Variants in TMEM164 observed in about 807,000 individuals in gnomAD.
The protein encoded by TMEM164 is RP13-360B22.2.
TMEM164 carries 4 observed loss-of-function variants against 18.8 expected under a neutral mutation model. The observed-to-expected ratio is 0.21, with a 90% confidence interval of 0.10 to 0.49. TMEM164 has a LOEUF of 0.49. TMEM164 is among the 20% of genes least tolerant of loss of function. TMEM164 has a pLI of 0.98. For missense variants in TMEM164, 108 were observed against 239.9 expected, an observed-to-expected ratio of 0.45 and a Z score of 3.63; for synonymous variants, 86 against 101.7, an observed-to-expected ratio of 0.85 and a Z score of 0.93.
chrX:110,069,326 G>A lies in TMEM164; in HGVS notation c.440+1930G>A, dbSNP rs1354536158. On this transcript the variant is annotated intron_variant, in intron 3 of 6. Coordinates refer to ENST00000372068, the MANE Select transcript of TMEM164 (RefSeq NM_032227.4). The stretch of plus-strand genomic sequence containing the variant: ...ATCCCTATCAGCAACAGGTGTTAAT[G>A]GTTCTTTTGTAATTTTGACAACCTA... Among the ~76,000 whole-genome samples, 4 of 111,367 alleles carry A rather than the reference G, an allele frequency of 3.6e-5. No homozygotes were observed. The East Asian group carries it at 1.1e-3, about 31-fold the overall frequency.
intron 4 of TMEM164, among the ~76,000 whole-genome samples, chrX:110,120,496 A>G (rs951851275): frequency 8.9e-6 from 1 of 111,967 alleles, no homozygotes; most frequent in African/African-American, 3.2e-5. Context: ...ATAATTGCAC[A>G]TATTTTGGAG....
intron 3 of TMEM164, among the ~76,000 whole-genome samples, chrX:110,092,250 T>A (rs1464002854): frequency 1.9e-4 from 21 of 112,061 alleles, no homozygotes; most frequent in African/African-American, 5.8e-4. Context: ...GTGAAGAAAG[T>A]CATTGGTAGC....
chrX:110,010,984 T>C (rs1932970186), intron 2 of TMEM164, among the ~76,000 whole-genome samples: 1 of 111,956 alleles, frequency 8.9e-6, no homozygotes, highest in Non-Finnish European at 1.9e-5. Flanking sequence ...AGAGGGAATG[T>C]TGACACATGG....
intron 4 of TMEM164, among the ~76,000 whole-genome samples, chrX:110,138,134 G>C (rs752156729): frequency 8.9e-6 from 1 of 111,923 alleles, no homozygotes; most frequent in African/African-American, 3.2e-5. Context: ...CTTACTGCCT[G>C]GGATGGAAAT....
chrX:110,118,245 A>G (rs2066400707), intron 4 of TMEM164, among the ~76,000 whole-genome samples: 1 of 112,381 alleles, frequency 8.9e-6, no homozygotes, highest in Admixed American at 9.4e-5. Context: ...TAAACACTAG[A>G]TAATCAGTAA....
chrX:110,145,547 G>T (rs982914763), intron 5 of TMEM164, among the ~76,000 whole-genome samples: 18 of 111,879 alleles, frequency 1.6e-4, no homozygotes, highest in African/African-American at 5.9e-4. Flanking sequence ...TGTTGTGAGA[G>T]CCACTCCTTC....
At chrX:110,138,650 C>A in intron 4 of TMEM164, among the ~76,000 whole-genome samples, 1 of 112,246 alleles carries the variant, frequency 8.9e-6, no homozygotes, top group African/African-American at 3.2e-5. Context: ...CACAGAAAGT[C>A]TATTCAGGAT....
At chrX:110,060,628 C>T (rs1173294022) in intron 2 of TMEM164, among the ~76,000 whole-genome samples, 1 of 111,745 alleles carries the variant, frequency 8.9e-6, no homozygotes, top group Non-Finnish European at 1.9e-5. Context: ...CAGTTTTTTT[C>T]ACAAATGTCC....
intron 4 of TMEM164, among the ~76,000 whole-genome samples, chrX:110,115,678 AAG>A (rs2066351768): frequency 8.9e-6 from 1 of 112,388 alleles, no homozygotes; most frequent in Non-Finnish European, 1.9e-5. Flanking sequence ...TGTGCTGCAG[AAG>A]ATACAAAAAC....
At chrX:110,037,403 CAGTGGAT>C (rs1370463660) in intron 2 of TMEM164, among the ~76,000 whole-genome samples, 3 of 112,074 alleles carry the variant, frequency 2.7e-5, no homozygotes, top group Non-Finnish European at 5.6e-5. Context: ...GCCCCTCCTT[CAGTGGAT>C]AGGGTTGGGC....
downstream of TMEM164, among the ~76,000 whole-genome samples, chrX:110,181,976 T>TAA (rs768603850): frequency 3.6e-5 from 4 of 112,128 alleles, no homozygotes; most frequent in South Asian, 7.5e-4. Flanking sequence ...TGGGTGTTTG[T>TAA]GTGTAGGACA....
chrX:110,022,140 G>T (rs1260481700), intron 2 of TMEM164, among the ~76,000 whole-genome samples: 1 of 111,758 alleles, frequency 8.9e-6, no homozygotes, highest in Non-Finnish European at 1.9e-5. Context: ...CCAGGGTTAG[G>T]AATCAATAGT....
intron 3 of TMEM164, among the ~76,000 whole-genome samples, chrX:110,091,240 C>G (rs909951846): frequency 3.6e-5 from 4 of 112,410 alleles, no homozygotes; most frequent in African/African-American, 9.7e-5. Context: ...GGATGACTGG[C>G]TCAAATGGTA....
At chrX:110,140,464 G>A (rs145661569) in intron 4 of TMEM164, among the ~76,000 whole-genome samples, 3,781 of 111,839 alleles carry the variant, frequency 0.034, 180 homozygotes, top group African/African-American at 0.12. Flanking sequence ...GGTGACTGAT[G>A]TAAACAGGGA....
At chrX:110,080,213 A>G (rs1249945029) in intron 3 of TMEM164, among the ~76,000 whole-genome samples, 1 of 111,764 alleles carries the variant, frequency 8.9e-6, no homozygotes, top group Non-Finnish European at 1.9e-5. Flanking sequence ...CTGTTCAGAC[A>G]TGTTAGAATA....
downstream of TMEM164, among the ~76,000 whole-genome samples, chrX:110,178,339 G>C (rs190505201): frequency 3.6e-5 from 4 of 112,307 alleles, no homozygotes; most frequent in East Asian, 1.1e-3. Context: ...CTGGAGAGGA[G>C]AGGTAGCCAG....
In TMEM164 at chrX:110,120,112, C is replaced by T. The variant is rs188205682; in HGVS notation, c.507+10966C>T. On this transcript the variant is annotated intron_variant, in intron 4 of 6. Coordinates refer to ENST00000372068, the MANE Select transcript of TMEM164 (RefSeq NM_032227.4). ...GGGTTTTCAAATAAAATGTCCAGAC[C>T]TTTTAGGTTTGTCAGTAGGCCCAAG... 8.0e-5 allele frequency among the ~76,000 whole-genome samples: 9 copies of T among 112,351 alleles called. No homozygotes were observed. In the South Asian group the frequency reaches 1.8e-3, roughly 23 times the overall value.
intron 4 of TMEM164, among the ~76,000 whole-genome samples, chrX:110,124,872 T>C (rs1018382662): frequency 8.9e-6 from 1 of 111,929 alleles, no homozygotes; most frequent in Non-Finnish European, 1.9e-5. Flanking sequence ...TGGAAGAAAA[T>C]CTCATGTAAT....
At chrX:110,064,630 A>G (rs981794916) in intron 2 of TMEM164, among the ~76,000 whole-genome samples, 2 of 110,587 alleles carry the variant, frequency 1.8e-5, no homozygotes, top group African/African-American at 3.3e-5. Context: ...ATGTAATGTA[A>G]TAAATAATCT....
Sources: allele counts gnomAD v4.1 joint callset (sites outside exome capture counted in the v4.1 genomes callset), GRCh38; gene constraint gnomAD v4.1.1; transcripts MANE v1.5; gene names NCBI Gene and HGNC (gene_info 2026-07-23, HGNC 2026-07-21).